Variants in TEK observed in about 807,000 individuals in gnomAD.
TEK encodes the protein TEK receptor tyrosine kinase.
Under a neutral mutation model 131.8 loss-of-function variants are expected in TEK, and 43 were observed. That is an observed-to-expected ratio of 0.33 (90% CI 0.26 to 0.42). The LOEUF (loss-of-function observed/expected upper bound fraction) is 0.42. Among genes scored for constraint, TEK ranks in the 10% least tolerant of loss-of-function variants. TEK has a pLI of 1.00. For synonymous variants in TEK, 580 were observed against 491.6 expected, an observed-to-expected ratio of 1.18 and a Z score of -2.38; for missense variants, 1,162 against 1,384.4, an observed-to-expected ratio of 0.84 and a Z score of 2.55.
chr9:27,212,600 GT>G lies in TEK; in HGVS notation c.2687-101del, dbSNP rs573699514. ...CTCCCTGGGTGGTGTTGCTAGATGT[GT>G]TTTTTAGACAAAATGGAGTTTATAG... On this transcript the variant is annotated intron_variant, in intron 16 of 22. Coordinates refer to ENST00000380036, the MANE Select transcript of TEK (RefSeq NM_000459.5). 508 of 1,256,746 alleles carry G rather than the reference GT, an allele frequency of 4.0e-4. 3 individuals are homozygous for G. The African/African-American group carries it at 6.2e-3, about 15-fold the overall frequency. 77.8% of individuals were successfully genotyped at this position (1,256,746 alleles called of 1,614,324 possible).
intron 1 of TEK, among the ~76,000 whole-genome samples, chr9:27,149,037 A>G (rs1424156608): frequency 1.3e-5 from 2 of 152,202 alleles, no homozygotes; most frequent in Non-Finnish European, 2.9e-5. Flanking sequence ...CTTGACCCAC[A>G]GAAAGCAGCA....
intron 13 of TEK, 135 bp from the exon 14 acceptor site, chr9:27,204,776 G>A (rs986974260): frequency 9.0e-7 from 1 of 1,110,100 alleles, no homozygotes; most frequent in Admixed American, 1.7e-5. Flanking sequence ...GTAGCCCGAG[G>A]TCATATAGTG....
intron 6 of TEK, among the ~76,000 whole-genome samples, chr9:27,175,257 G>A (rs1367517052): frequency 6.7e-6 from 1 of 150,018 alleles, no homozygotes; most frequent in African/African-American, 2.5e-5. Flanking sequence ...TTGTCCTTGT[G>A]ATAGTTTACT....
intron 1 of TEK, among the ~76,000 whole-genome samples, chr9:27,130,841 C>T (rs1169659157): frequency 2.0e-5 from 3 of 151,792 alleles, no homozygotes; most frequent in Non-Finnish European, 2.9e-5. Flanking sequence ...GTTGGGATTA[C>T]AGGCGTGAGC....
At chr9:27,190,380 C>T in intron 9 of TEK, 149 bp from the exon 10 acceptor site, 1 of 876,844 alleles carries the variant, frequency 1.1e-6, no homozygotes, top group South Asian at 1.6e-5. Flanking sequence ...AAGCAGAGAG[C>T]TTAGAGAGCA....
chr9:27,183,609 A>T lies in TEK; in HGVS notation c.1181A>T (p.His394Leu). Residue 394 changes from histidine to leucine, a missense_variant and splice_region_variant, in exon 8 of 23, where the codon CAT becomes CTT. Physicochemically the swap from His to Leu is moderately conservative, Grantham distance 99. Coordinates refer to ENST00000380036, the MANE Select transcript of TEK (RefSeq NM_000459.5). The stretch of plus-strand genomic sequence containing the variant: ...GTGAAGCCGGATGGGACAGTGCTCC[A>T]TGTAAGAGCCATTCTTAATTTGCCC... ...TLVKPDGTVL[H>L]PKDFNHTDHF... 2 of 1,613,856 alleles carry T rather than the reference A, an allele frequency of 1.2e-6. No individual in the cohort carries two copies. The highest frequency in any genetic ancestry group is 1.7e-6 in the Non-Finnish European group (2 of 1,179,794).
Position 27,169,477 on chromosome 9 carries a change from G to A in TEK, c.476G>A (p.Gly159Asp), listed in dbSNP as rs1315371549. 1 of 1,613,784 alleles carries A rather than the reference G, an allele frequency of 6.2e-7. No individual in the cohort carries two copies. Among genetic ancestry groups the A allele is most frequent in the Non-Finnish European group, 8.5e-7 (1 of 1,179,890 alleles). ...KEEDAVIYKN[G>D]SFIHSVPRHE... The stretch of plus-strand genomic sequence containing the variant: ...GTTCTTCACTCTTCCCTCTTACTAG[G>A]TTCCTTCATCCATTCAGTGCCCCGG... Residue 159 changes from glycine (G) to aspartate (D), a missense_variant and splice_region_variant, in exon 4 of 23, where the codon GGT becomes GAT. Transcript: ENST00000380036.
At chr9:27,219,408 G>A (rs1017823385) in intron 20 of TEK, among the ~76,000 whole-genome samples, 12 of 152,206 alleles carry the variant, frequency 7.9e-5, no homozygotes, top group African/African-American at 2.4e-4. Context: ...AACACCACAT[G>A]TTGTCACTCA....
chr9:27,208,134 G>T (rs886862624), intron 15 of TEK, among the ~76,000 whole-genome samples: 6 of 152,142 alleles, frequency 3.9e-5, no homozygotes, highest in Admixed American at 6.5e-5. Context: ...ATCCAAAGAA[G>T]GGCAGTTACT....
At chr9:27,139,514 G>A (rs564459981) in intron 1 of TEK, among the ~76,000 whole-genome samples, 4 of 151,268 alleles carry the variant, frequency 2.6e-5, no homozygotes, top group African/African-American at 4.9e-5. Flanking sequence ...TAGTTGAGAC[G>A]GGGTTTCACC....
intron 1 of TEK, among the ~76,000 whole-genome samples, chr9:27,155,000 C>T (rs1051861648): frequency 1.1e-4 from 16 of 152,338 alleles, no homozygotes; most frequent in African/African-American, 2.6e-4. Context: ...AAATAAACCA[C>T]GGCCACTGCC....
intron 1 of TEK, among the ~76,000 whole-genome samples, chr9:27,142,563 GA>G (rs1822765515): frequency 6.6e-6 from 1 of 152,248 alleles, no homozygotes; most frequent in Non-Finnish European, 1.5e-5. Flanking sequence ...GGGTGAATGG[GA>G]AATGAGATCC....
At chr9:27,185,748 G>A (rs1210850492) in intron 9 of TEK, 119 bp downstream of exon 9, 11 of 1,390,420 alleles carry the variant, frequency 7.9e-6, no homozygotes, top group Non-Finnish European at 1.1e-5. Context: ...TTCCAGGATA[G>A]TAAGCCTTTA....
intron 1 of TEK, among the ~76,000 whole-genome samples, chr9:27,132,220 T>G (rs1199382915): frequency 1.3e-5 from 2 of 151,912 alleles, no homozygotes; most frequent in African/African-American, 4.8e-5. Context: ...CCTGAGTAGC[T>G]AGGATCACAG....
intron 13 of TEK, 85 bp from the exon 14 acceptor site, chr9:27,204,826 A>G: frequency 6.3e-7 from 1 of 1,582,644 alleles, no homozygotes; most frequent in Non-Finnish European, 8.7e-7. Context: ...AGTTCCCATT[A>G]CACTGTGTCT....
At chr9:27,212,187 TGAG>T (rs1251039515) in intron 16 of TEK, among the ~76,000 whole-genome samples, 1 of 152,146 alleles carries the variant, frequency 6.6e-6, no homozygotes, top group African/African-American at 2.4e-5. Flanking sequence ...GGATGGGTTT[TGAG>T]GAGGAGTAGA....
chr9:27,222,402 A>C (rs948126844), intron 21 of TEK, among the ~76,000 whole-genome samples: 1 of 152,172 alleles, frequency 6.6e-6, no homozygotes. Flanking sequence ...ACCCCAAGAC[A>C]CATAAATCGT....
At chr9:27,219,695 A>T (rs1313903716) in intron 20 of TEK, among the ~76,000 whole-genome samples, 1 of 152,140 alleles carries the variant, frequency 6.6e-6, no homozygotes. Flanking sequence ...CATTGATAAA[A>T]TATGAGTTAT....
intron 16 of TEK, among the ~76,000 whole-genome samples, chr9:27,210,104 G>A (rs1316244748): frequency 6.6e-6 from 1 of 152,162 alleles, no homozygotes; most frequent in African/African-American, 2.4e-5. Flanking sequence ...AAATACTGGT[G>A]CTTCAAACAA....
Sources: gnomAD v4.1 joint callset for allele counts (sites outside exome capture counted in the v4.1 genomes callset) on GRCh38, gnomAD v4.1.1 for gene constraint, MANE v1.5 for transcripts, NCBI Gene and HGNC (gene_info 2026-07-23, HGNC 2026-07-21) for gene names.